ARHGEF10: variants seen among roughly 807,000 people sequenced by gnomAD.
ARHGEF10 encodes Rho guanine nucleotide exchange factor (GEF) 10.
Under a neutral mutation model 147.4 loss-of-function variants are expected in ARHGEF10, and 140 were observed. The ratio of observed to expected loss-of-function variants is 0.95; its 90% CI spans 0.83 to 1.09. The LOEUF is 1.09. Ranked by LOEUF, ARHGEF10 falls within the 50% of genes least tolerant of loss-of-function variation. The pLI is 0.00. For missense variants in ARHGEF10, 2,222 were observed against 1,752.7 expected (o/e 1.27, Z -4.78); for synonymous variants, 902 against 695.8 (o/e 1.30, Z -4.67).
At chr8:1,883,835 C>T (rs1230583305) in intron 10 of ARHGEF10, among the ~76,000 whole-genome samples, 1 of 152,124 alleles carries the variant, frequency 6.6e-6, no homozygotes, top group Non-Finnish European at 1.5e-5. Flanking sequence ...GGATTTGGGG[C>T]CACATTCACT....
Position 1,929,409 on chromosome 8 carries a change from C to T in ARHGEF10, c.3045C>T (p.Val1015=). 1 of 1,611,796 alleles carries T rather than the reference C, an allele frequency of 6.2e-7. No individual in the cohort carries two copies. Among genetic ancestry groups the T allele is most frequent in the Non-Finnish European group, 8.5e-7 (1 of 1,179,286 alleles). Residue 1015 remains valine (V), a synonymous_variant, in exon 25 of 29, where the codon GTC becomes GTT. Transcript: ENST00000349830. ...CTSQSLYAGL[V]NGAVASYARA... ...CTCAGAGCCTGTACGCTGGCCTGGT[C>T]AACGGGGCAGTCGCCAGCTACGCCA... is the stretch of plus-strand genomic sequence containing the variant.
intron 1 of ARHGEF10, among the ~76,000 whole-genome samples, chr8:1,833,275 CAG>C (rs1803360141): frequency 7.3e-6 from 1 of 137,370 alleles, no homozygotes; most frequent in African/African-American, 2.9e-5. Context: ...GAGGCAGAGA[CAG>C]AGGTAGAGAC....
In ARHGEF10 at chr8:1,958,296, A is replaced by G. The variant is rs1197139863; in HGVS notation, c.*1033A>G. ...TGCAGACGCCTCCTCTGCAGAACGC[A>G]TCAGTTTCTATTCTGCAGTTGCAGA... On this transcript the variant is annotated 3_prime_UTR_variant, in exon 29 of 29. Transcript: ENST00000349830. 1.3e-5 allele frequency: 2 copies of G among 152,252 alleles called. No homozygotes were observed. Among genetic ancestry groups the G allele is most frequent in the Non-Finnish European group, 2.9e-5 (2 of 68,056 alleles). The allele number at this position is 152,252 out of a possible 1,614,324, so 9.4% of individuals were successfully genotyped here. A position where few individuals can be genotyped will look rare whatever the true frequency, so the allele number is the denominator to read the frequency against.
In ARHGEF10 at chr8:1,945,517, A is replaced by G. The variant is rs1055159837; in HGVS notation, c.3259A>G (p.Ile1087Val). ...GGCCCACCAGGAGGAAGGCATGGTG[A>G]TCTCCCACATGGCCGTGTCCGGCGT... The part of the protein sequence containing the change: ...LEAHQEEGMV[I>V]SHMAVSGVGI... The change falls in exon 27 of 29, where the codon ATC becomes GTC. Residue 1087 changes from isoleucine to valine, a missense_variant. Coordinates refer to ENST00000349830, the MANE Select transcript of ARHGEF10 (RefSeq NM_014629.4). 6.2e-6 allele frequency: 10 copies of G among 1,612,760 alleles called. No individual in the cohort carries two copies. The highest frequency in any genetic ancestry group is 8.5e-6 in the Non-Finnish European group (10 of 1,179,388).
intron 25 of ARHGEF10, among the ~76,000 whole-genome samples, chr8:1,931,365 T>C (rs527419086): frequency 2.6e-5 from 4 of 152,360 alleles, no homozygotes; most frequent in Admixed American, 6.5e-5. Flanking sequence ...TGTCCCCCTT[T>C]TTTCCCCTGG....
intron 26 of ARHGEF10, among the ~76,000 whole-genome samples, chr8:1,943,355 G>C (rs968582832): frequency 6.6e-6 from 1 of 152,212 alleles, no homozygotes; most frequent in Non-Finnish European, 1.5e-5. Flanking sequence ...CCAGTGCCGC[G>C]AGGAGGCCAG....
rs752904424 is a variant in ARHGEF10, at chr8:1,956,768, C to A, written c.3540C>A (p.Tyr1180Ter). The A allele has an allele frequency of 3.7e-6, 6 of 1,613,982 alleles. No individual in the cohort carries two copies. Among genetic ancestry groups the A allele is most frequent in the Non-Finnish European group, 4.2e-6 (5 of 1,180,016 alleles). The change falls in exon 29 of 29, where the codon TAC (tyrosine) becomes TAA (stop). Residue 1180 changes from tyrosine to a stop codon, truncating the protein, a stop_gained. Transcript: ENST00000349830. LOFTEE classifies it low-confidence loss of function (END_TRUNC). Reference sequence around the variant, plus strand: ...TTTCAGGAAGAGGCATGGTCTCCTACCATGCACACAACAGTCCTGTCAAAT... The same window carrying A: ...TTTCAGGAAGAGGCATGGTCTCCTAACATGCACACAACAGTCCTGTCAAAT... ...PKVTGRGMVSYHAHNSPVKFI... is the reference protein window; with the variant it reads ...PKVTGRGMVS
At chr8:1,905,893 C>G (rs1165778114) in intron 17 of ARHGEF10, among the ~76,000 whole-genome samples, 177 bp downstream of exon 17, 1 of 152,124 alleles carries the variant, frequency 6.6e-6, no homozygotes, top group African/African-American at 2.4e-5. Flanking sequence ...TAAATAGATT[C>G]AGTGTAAGTC....
At chr8:1,900,623 T>C (rs1312467485) in intron 15 of ARHGEF10, among the ~76,000 whole-genome samples, 1 of 152,226 alleles carries the variant, frequency 6.6e-6, no homozygotes, top group Non-Finnish European at 1.5e-5. Flanking sequence ...TACAAATCTG[T>C]TCTTGTAAGA....
chr8:1,839,301 CGGTGTGGGGACTGTCT>C (rs1563157081), intron 1 of ARHGEF10, among the ~76,000 whole-genome samples: 4 of 90,830 alleles, frequency 4.4e-5, no homozygotes, highest in Admixed American at 3.3e-4. Flanking sequence ...GGGTACTGTC[CGGTGTGGGGACTGTCT>C]GGTGTGGGGA....
chr8:1,835,065 C>A (rs971589804), intron 1 of ARHGEF10, among the ~76,000 whole-genome samples: 1 of 152,234 alleles, frequency 6.6e-6, no homozygotes, highest in African/African-American at 2.4e-5. Flanking sequence ...GCTGATGGCC[C>A]CCGGCCCGTG....
At chr8:1,882,593 T>G in intron 9 of ARHGEF10, 42 bp from the exon 10 acceptor site, 1 of 1,506,530 alleles carries the variant, frequency 6.6e-7, no homozygotes, top group Non-Finnish European at 9.0e-7. Context: ...CGCAGGTGGG[T>G]TCTGCCGCCG....
At chr8:1,949,695 T>A (rs1384027600) in intron 27 of ARHGEF10, among the ~76,000 whole-genome samples, 2 of 151,772 alleles carry the variant, frequency 1.3e-5, no homozygotes, top group African/African-American at 4.8e-5. Context: ...AACGTGTAAC[T>A]TTTCTGAAGA....
intron 16 of ARHGEF10, among the ~76,000 whole-genome samples, chr8:1,904,691 C>T (rs1360061328): frequency 1.3e-5 from 2 of 152,094 alleles, no homozygotes; most frequent in Admixed American, 6.5e-5. Context: ...TCATCGTTCC[C>T]GTGCACTTGG....
At chr8:1,938,761 C>A (rs1261237956) in intron 26 of ARHGEF10, among the ~76,000 whole-genome samples, 1 of 152,088 alleles carries the variant, frequency 6.6e-6, no homozygotes, top group African/African-American at 2.4e-5. Context: ...CATAGCGAGA[C>A]CCTATATCTA....
In ARHGEF10 at chr8:1,835,986, C is replaced by T. The variant is rs372102040; in HGVS notation, c.-47-7367C>T. On this transcript the variant is annotated intron_variant, in intron 1 of 28. Transcript: ENST00000349830. ...CACGAGCTCAGGAGATCGAGACCAT[C>T]CTGGCCAACATGGTGAAACCCCGTC... 5.4e-4 allele frequency among the ~76,000 whole-genome samples: 82 copies of T among 152,224 alleles called. 2 individuals are homozygous for T. Among genetic ancestry groups the T allele is most frequent in the African/African-American group, 1.9e-3 (77 of 41,536 alleles).
intron 22 of ARHGEF10, 89 bp from the exon 23 acceptor site, chr8:1,926,288 G>A: frequency 9.5e-7 from 1 of 1,050,324 alleles, no homozygotes; most frequent in Non-Finnish European, 1.5e-6. Flanking sequence ...TTATACATTG[G>A]AAGTAAGTCA....
At chr8:1,836,195 GAAA>G (rs1367505140) in intron 1 of ARHGEF10, among the ~76,000 whole-genome samples, 5 of 133,302 alleles carry the variant, frequency 3.8e-5, no homozygotes, top group Admixed American at 1.5e-4. Flanking sequence ...AAAAAAAAAA[GAAA>G]AAAAAAAACA....
intron 27 of ARHGEF10, among the ~76,000 whole-genome samples, chr8:1,950,691 C>T (rs1289453867): frequency 6.6e-6 from 1 of 151,222 alleles, no homozygotes; most frequent in African/African-American, 2.4e-5. Flanking sequence ...ACCACCACGC[C>T]CAGCTAGTTT....
Sources: gnomAD v4.1 joint callset for allele counts (sites outside exome capture counted in the v4.1 genomes callset) on GRCh38, gnomAD v4.1.1 for gene constraint, MANE v1.5 for transcripts, NCBI Gene and HGNC (gene_info 2026-07-23, HGNC 2026-07-21) for gene names.